The following PGM5 variants were observed in gnomAD, a reference collection of about 807,000 sequenced individuals.
The protein encoded by PGM5 is phosphoglucomutase-like protein 5.
A neutral mutation model predicts 59.2 loss-of-function variants in PGM5; 23 were observed. The ratio of observed to expected loss-of-function variants is 0.39; its 90% confidence interval spans 0.28 to 0.55. The LOEUF (loss-of-function observed/expected upper bound fraction) is 0.55, where lower values mean the gene tolerates loss of function less well. PGM5 is among the 20% of genes least tolerant of loss of function. PGM5 has a pLI of 0.66. For missense variants in PGM5, 574 were observed against 748.3 expected, an observed-to-expected ratio of 0.77 and a Z score of 2.72; for synonymous variants, 214 against 286.0, an observed-to-expected ratio of 0.75 and a Z score of 2.54.
intron 10 of PGM5, among the ~76,000 whole-genome samples, chr9:68,512,959 C>T (rs1824774551): frequency 6.6e-6 from 1 of 152,172 alleles, no homozygotes; most frequent in Non-Finnish European, 1.5e-5. Context: ...TTTTTCCCAA[C>T]CATTAAACAT....
chr9:68,385,706 T>A (rs1322624341), intron 3 of PGM5, among the ~76,000 whole-genome samples: 1 of 152,044 alleles, frequency 6.6e-6, no homozygotes, highest in African/African-American at 2.4e-5. Context: ...TGATTACATA[T>A]GGTTGGAAGG....
At chr9:68,401,885 ATATATG>A (rs1294667077) in intron 6 of PGM5, among the ~76,000 whole-genome samples, 729 of 104,000 alleles carry the variant, frequency 7.0e-3, no homozygotes, top group African/African-American at 0.018. Flanking sequence ...AGCTATATAT[ATATATG>A]TGTGTGTGTG....
intron 9 of PGM5, among the ~76,000 whole-genome samples, chr9:68,485,879 G>A (rs2132094558): frequency 6.6e-6 from 1 of 152,274 alleles, no homozygotes; most frequent in East Asian, 1.9e-4. Context: ...CAAGGGGGGT[G>A]ATGAGAGACC....
intron 6 of PGM5, among the ~76,000 whole-genome samples, chr9:68,450,348 G>A (rs1554684260): frequency 6.6e-6 from 1 of 152,174 alleles, no homozygotes; most frequent in Non-Finnish European, 1.5e-5. Context: ...GAATATTCTA[G>A]CAAAGAGGCC....
intron 6 of PGM5, among the ~76,000 whole-genome samples, chr9:68,445,067 A>G (rs1203240712): frequency 6.6e-6 from 1 of 152,178 alleles, no homozygotes; most frequent in African/African-American, 2.4e-5. Context: ...TAAGAAATAT[A>G]TACTTTGGGT....
At chr9:68,479,215 A>T (rs543790728) in intron 7 of PGM5, among the ~76,000 whole-genome samples, 24 of 152,042 alleles carry the variant, frequency 1.6e-4, no homozygotes, top group African/African-American at 5.8e-4. Flanking sequence ...TCCAAGTTTT[A>T]TTTTTTTTAC....
chr9:68,379,649 T>C (rs1822015150), intron 2 of PGM5, among the ~76,000 whole-genome samples: 2 of 152,170 alleles, frequency 1.3e-5, no homozygotes, highest in East Asian at 3.9e-4. Flanking sequence ...AATCAAAAGA[T>C]ACAGAATGGC....
chr9:68,483,784 C>T (rs1211021927), intron 8 of PGM5, 81 bp from the exon 9 acceptor site: 1 of 1,289,102 alleles, frequency 7.8e-7, no homozygotes, highest in Non-Finnish European at 1.1e-6. Context: ...GGAAACAGAA[C>T]CAATGATTAA....
intron 6 of PGM5, among the ~76,000 whole-genome samples, chr9:68,442,954 GA>G (rs1381039791): frequency 2.6e-5 from 4 of 152,138 alleles, no homozygotes; most frequent in African/African-American, 9.7e-5. Flanking sequence ...AGTACTGATG[GA>G]AATGCCAAAT....
intron 6 of PGM5, among the ~76,000 whole-genome samples, chr9:68,424,423 G>T (rs1418853348): frequency 6.6e-6 from 1 of 152,182 alleles, no homozygotes; most frequent in Non-Finnish European, 1.5e-5. Flanking sequence ...GGTGGAAGGG[G>T]CAAGGCAGCT....
At chr9:68,499,480 T>C in intron 10 of PGM5, 119 bp downstream of exon 10, 1 of 1,077,556 alleles carries the variant, frequency 9.3e-7, no homozygotes, top group Non-Finnish European at 1.3e-6. Flanking sequence ...TAATTTCAGC[T>C]GGAGGACAAG....
chr9:68,417,700 C>T (rs918380356), intron 6 of PGM5, among the ~76,000 whole-genome samples: 3 of 152,164 alleles, frequency 2.0e-5, no homozygotes, highest in African/African-American at 7.2e-5. Flanking sequence ...GTCTTCAAAA[C>T]TTATTTGCTT....
At chr9:68,510,450 C>T (rs1824732089) in intron 10 of PGM5, among the ~76,000 whole-genome samples, 1 of 151,978 alleles carries the variant, frequency 6.6e-6, no homozygotes, top group Non-Finnish European at 1.5e-5. Flanking sequence ...CGTGCCTGGC[C>T]GAAATCAGTT....
intron 6 of PGM5, among the ~76,000 whole-genome samples, chr9:68,444,048 C>CTCTT (rs527825252): frequency 4.6e-5 from 7 of 150,798 alleles, no homozygotes; most frequent in Non-Finnish European, 5.9e-5. Flanking sequence ...AAGAGTCTCT[C>CTCTT]TCTTTCTTTC....
intron 6 of PGM5, among the ~76,000 whole-genome samples, chr9:68,417,218 A>G (rs1264967763): frequency 1.3e-5 from 2 of 152,234 alleles, no homozygotes; most frequent in African/African-American, 4.8e-5. Flanking sequence ...AGAAGGTCCC[A>G]TGAAACAGGG....
At chr9:68,466,099 C>G in intron 7 of PGM5, 1 of 1,269,036 alleles carries the variant, frequency 7.9e-7, no homozygotes, top group Non-Finnish European at 1.0e-6. Flanking sequence ...TTTGTGATGA[C>G]AAATGAGCTC....
intron 7 of PGM5, among the ~76,000 whole-genome samples, chr9:68,469,361 A>C (rs11142559): frequency 5.4e-5 from 7 of 129,858 alleles, no homozygotes; most frequent in Non-Finnish European, 1.5e-5. Context: ...AGTGTTTTTT[A>C]AAAAAAAAAT....
chr9:68,376,531 C>A (rs1400017244), intron 1 of PGM5, among the ~76,000 whole-genome samples: 1 of 139,674 alleles, frequency 7.2e-6, no homozygotes, highest in African/African-American at 2.7e-5. Flanking sequence ...GTGTTTTGAT[C>A]TCTTCTGTAT....
chr9:68,466,215 G>GC, intron 7 of PGM5: 2 of 1,273,316 alleles, frequency 1.6e-6, no homozygotes, highest in South Asian at 2.7e-5. Flanking sequence ...TTCCTTAGCT[G>GC]TGTCCAATCT....
Sources: allele counts gnomAD v4.1 joint callset (sites outside exome capture counted in the v4.1 genomes callset), GRCh38; gene constraint gnomAD v4.1.1; transcripts MANE v1.5; gene names NCBI Gene and HGNC (gene_info 2026-07-23, HGNC 2026-07-21).